The following GLRA2 variants were observed in gnomAD, a reference collection of about 807,000 sequenced individuals.
GLRA2 encodes the protein glycine receptor subunit alpha-2.
GLRA2 carries 11 observed loss-of-function variants against 31.6 expected under a neutral mutation model. The ratio of observed to expected loss-of-function variants is 0.35; its 90% CI spans 0.22 to 0.58. The LOEUF is 0.58. Ranked by LOEUF, GLRA2 falls within the 20% of genes least tolerant of loss-of-function variation. GLRA2 has a pLI of 0.84. For synonymous variants in GLRA2, 132 were observed against 134.0 expected (o/e 0.99, Z 0.10); for missense variants, 212 against 351.8 (o/e 0.60, Z 3.18).
the GLRA2 span, among the ~76,000 whole-genome samples, chrX:14,481,719 G>C: frequency 4.5e-5 from 5 of 110,521 alleles, no homozygotes; most frequent in African/African-American, 1.6e-4. Context: ...AGTTCCATAA[G>C]ATCCATAAAA....
At chrX:14,684,424 G>C (rs1325218508) in intron 7 of GLRA2, among the ~76,000 whole-genome samples, 2 of 111,484 alleles carry the variant, frequency 1.8e-5, no homozygotes, top group Admixed American at 9.5e-5. Context: ...GCCATTTTCA[G>C]GATATTGATT....
intron 4 of GLRA2, among the ~76,000 whole-genome samples, chrX:14,586,649 G>C (rs1440710112): frequency 1.8e-5 from 2 of 112,107 alleles, no homozygotes; most frequent in Admixed American, 1.9e-4. Context: ...TACTGAAATA[G>C]TGAGGTGAGT....
At chrX:14,536,081 C>A (rs955628994) in intron 2 of GLRA2, among the ~76,000 whole-genome samples, 12 of 112,026 alleles carry the variant, frequency 1.1e-4, no homozygotes, top group African/African-American at 3.2e-4. Flanking sequence ...TTTGTGCCTG[C>A]CATGCACACT....
At chrX:14,475,790 AT>A in the GLRA2 span, among the ~76,000 whole-genome samples, 3,698 of 111,658 alleles carry the variant, frequency 0.033, 150 homozygotes, top group African/African-American at 0.11. Flanking sequence ...TTTCTAATTA[AT>A]TTTTTAAATG....
intron 7 of GLRA2, among the ~76,000 whole-genome samples, chrX:14,628,814 C>T (rs143596850): frequency 1.8e-5 from 2 of 111,355 alleles, no homozygotes; most frequent in East Asian, 5.7e-4. Context: ...TCACACAGGA[C>T]CTCATGGGCC....
intron 4 of GLRA2, among the ~76,000 whole-genome samples, chrX:14,591,390 A>G (rs1831584698): frequency 9.0e-6 from 1 of 111,503 alleles, no homozygotes; most frequent in African/African-American, 3.3e-5. Flanking sequence ...CCTGTGGCCA[A>G]AGGCCCAAGA....
At chrX:14,671,863 A>AT (rs778454809) in intron 7 of GLRA2, among the ~76,000 whole-genome samples, 47 of 112,676 alleles carry the variant, frequency 4.2e-4, no homozygotes, top group Middle Eastern at 4.6e-3. Flanking sequence ...ACATAGAGGC[A>AT]TTCAATGAAT....
the GLRA2 span, among the ~76,000 whole-genome samples, chrX:14,477,023 T>C: frequency 8.9e-6 from 1 of 111,931 alleles, no homozygotes; most frequent in Non-Finnish European, 1.9e-5. Context: ...GACTCATCCC[T>C]ATACTGAGGA....
At chrX:14,588,310 A>C (rs1322298201) in intron 4 of GLRA2, among the ~76,000 whole-genome samples, 2 of 112,057 alleles carry the variant, frequency 1.8e-5, no homozygotes, top group African/African-American at 3.2e-5. Flanking sequence ...ATTCTTCTGC[A>C]TATGGCTAGC....
At chrX:14,684,228 A>G (rs1481263412) in intron 7 of GLRA2, among the ~76,000 whole-genome samples, 2 of 110,570 alleles carry the variant, frequency 1.8e-5, no homozygotes, top group East Asian at 5.7e-4. Flanking sequence ...GCCTTGTAGT[A>G]TAGTTTGAAG....
At chrX:14,487,201 AAATT>A in the GLRA2 span, among the ~76,000 whole-genome samples, 43 of 109,948 alleles carry the variant, frequency 3.9e-4, no homozygotes, top group African/African-American at 1.1e-3. Flanking sequence ...AAATTATTTA[AAATT>A]AATTTTTCAG....
chrX:14,688,718 GAAAGGGA>G (rs886257682), intron 7 of GLRA2, among the ~76,000 whole-genome samples: 2 of 110,773 alleles, frequency 1.8e-5, no homozygotes, highest in African/African-American at 6.6e-5. Flanking sequence ...CCTTGGCTAG[GAAAGGGA>G]ATTCCCTGAC....
At chrX:14,686,331 T>G in intron 7 of GLRA2, among the ~76,000 whole-genome samples, 1 of 111,869 alleles carries the variant, frequency 8.9e-6, no homozygotes, top group Non-Finnish European at 1.9e-5. Flanking sequence ...CTATTAGGTC[T>G]GCTTGGTGCA....
chrX:14,547,784 A>C (rs2089501603), intron 2 of GLRA2, among the ~76,000 whole-genome samples: 1 of 111,296 alleles, frequency 9.0e-6, no homozygotes, highest in African/African-American at 3.3e-5. Context: ...GCCTCTCTTA[A>C]ACTACAAATC....
At chrX:14,647,618 A>G (rs1291432464) in intron 7 of GLRA2, among the ~76,000 whole-genome samples, 4 of 112,285 alleles carry the variant, frequency 3.6e-5, no homozygotes, top group Admixed American at 1.9e-4. Context: ...GTGAGAAGCT[A>G]AGGAAAAACA....
At chrX:14,724,617 A>C in intron 8 of GLRA2, among the ~76,000 whole-genome samples, 2 of 79,579 alleles carry the variant, frequency 2.5e-5, no homozygotes, top group African/African-American at 4.7e-5. Flanking sequence ...CAAAAGCAAA[A>C]CTCTGTCTCA....
the GLRA2 span, among the ~76,000 whole-genome samples, chrX:14,496,753 G>A: frequency 5.4e-5 from 6 of 111,897 alleles, no homozygotes; most frequent in Non-Finnish European, 9.4e-5. Context: ...TAAAAGACAT[G>A]TCAGTCACAT....
At chrX:14,611,950 T>C (rs1420728978) in intron 7 of GLRA2, among the ~76,000 whole-genome samples, 1 of 112,068 alleles carries the variant, frequency 8.9e-6, no homozygotes, top group African/African-American at 3.2e-5. Flanking sequence ...TAGATCAGAC[T>C]TGAAGCAGAA....
intron 2 of GLRA2, among the ~76,000 whole-genome samples, chrX:14,553,395 C>T (rs894794202): frequency 8.9e-6 from 1 of 111,821 alleles, no homozygotes; most frequent in East Asian, 2.8e-4. Context: ...CTCTCCTTTC[C>T]CTTTCTCTTT....
Sources: gnomAD v4.1 joint callset for allele counts (sites outside exome capture counted in the v4.1 genomes callset) on GRCh38, gnomAD v4.1.1 for gene constraint, MANE v1.5 for transcripts, NCBI Gene and HGNC (gene_info 2026-07-23, HGNC 2026-07-21) for gene names.